The following TGFBR3 variants were observed in gnomAD, a reference collection of about 807,000 sequenced individuals.
TGFBR3 encodes the protein transforming growth factor beta receptor 3.
TGFBR3 carries 46 observed loss-of-function variants against 87.9 expected under a neutral mutation model. The observed-to-expected ratio is 0.52, with a 90% confidence interval of 0.41 to 0.67. TGFBR3 has a LOEUF of 0.67. TGFBR3 is among the 30% of genes least tolerant of loss of function. The pLI, the probability that TGFBR3 is intolerant of heterozygous loss-of-function variation, is 0.00. For missense variants in TGFBR3, 866 were observed against 1,041.9 expected (o/e 0.83, Z 2.32); for synonymous variants, 381 against 391.6 (o/e 0.97, Z 0.32).
intron 2 of TGFBR3, among the ~76,000 whole-genome samples, chr1:91,838,533 A>G (rs1490162680): frequency 6.8e-6 from 1 of 146,408 alleles, no homozygotes; most frequent in Non-Finnish European, 1.5e-5. Context: ...AACTCGGCGC[A>G]CTGCAAGCTC....
At chr1:91,763,050 T>C (rs1674030518) in intron 3 of TGFBR3, among the ~76,000 whole-genome samples, 1 of 152,224 alleles carries the variant, frequency 6.6e-6, no homozygotes, top group Non-Finnish European at 1.5e-5. Context: ...AAGGTTATCT[T>C]TGATAAGCAA....
intron 3 of TGFBR3, among the ~76,000 whole-genome samples, chr1:91,780,551 CTTTTTTT>C (rs60294904): frequency 5.2e-5 from 4 of 77,166 alleles, no homozygotes; most frequent in Non-Finnish European, 6.9e-5. Context: ...GGGTCTAAGG[CTTTTTTT>C]TTTTTTTTTT....
chr1:91,832,369 A>ATT (rs5776122), intron 2 of TGFBR3, among the ~76,000 whole-genome samples: 1 of 151,846 alleles, frequency 6.6e-6, no homozygotes, highest in Admixed American at 6.6e-5. Flanking sequence ...TTAAATTTGC[A>ATT]TTTTTTCCCC....
chr1:91,902,249 G>A (rs1344646431), intron 1 of TGFBR3, among the ~76,000 whole-genome samples: 8 of 134,912 alleles, frequency 5.9e-5, no homozygotes, highest in African/African-American at 1.3e-4. Context: ...GTTTGAAGAC[G>A]TGCAGTTTCT....
At chr1:91,822,362 T>C (rs919310750) in intron 2 of TGFBR3, among the ~76,000 whole-genome samples, 1 of 148,390 alleles carries the variant, frequency 6.7e-6, no homozygotes, top group Non-Finnish European at 1.5e-5. Context: ...ATAAACTTCA[T>C]TTTCCAGCCT....
chr1:91,713,375 C>A (rs1672052214), intron 12 of TGFBR3, among the ~76,000 whole-genome samples: 1 of 152,188 alleles, frequency 6.6e-6, no homozygotes, highest in Non-Finnish European at 1.5e-5. Flanking sequence ...CCTCAACTAT[C>A]CTGAACTTAG....
chr1:91,822,835 A>G (rs1383700458), intron 2 of TGFBR3, among the ~76,000 whole-genome samples: 1 of 152,132 alleles, frequency 6.6e-6, no homozygotes, highest in Non-Finnish European at 1.5e-5. Flanking sequence ...CTGAGGTGGG[A>G]GGACTGCTTG....
At chr1:91,689,237 GT>G (rs1335709060) in intron 16 of TGFBR3, among the ~76,000 whole-genome samples, 1 of 152,044 alleles carries the variant, frequency 6.6e-6, no homozygotes, top group Admixed American at 6.5e-5. Context: ...TCTTTCTCCA[GT>G]GAGACTTCCC....
At chr1:91,789,063 C>T (rs561911932) in intron 3 of TGFBR3, among the ~76,000 whole-genome samples, 7 of 152,202 alleles carry the variant, frequency 4.6e-5, no homozygotes, top group South Asian at 4.2e-4. Context: ...TTTGGGAAGC[C>T]GAGGCTGACG....
intron 3 of TGFBR3, among the ~76,000 whole-genome samples, chr1:91,761,930 T>A (rs767672776): frequency 3.3e-5 from 5 of 152,158 alleles, no homozygotes; most frequent in Non-Finnish European, 5.9e-5. Flanking sequence ...AGCAAATAAA[T>A]ATCCCATGAA....
At chr1:91,740,711 A>C (rs1328112972) in intron 4 of TGFBR3, among the ~76,000 whole-genome samples, 2 of 152,200 alleles carry the variant, frequency 1.3e-5, no homozygotes, top group Non-Finnish European at 2.9e-5. Context: ...CATAGACCCA[A>C]ATCATATCAT....
At chr1:91,693,651 T>C (rs969216076) in intron 16 of TGFBR3, among the ~76,000 whole-genome samples, 1 of 152,120 alleles carries the variant, frequency 6.6e-6, no homozygotes, top group African/African-American at 2.4e-5. Flanking sequence ...GGCCCAAGAT[T>C]AGCTATGAGA....
At chr1:91,883,514 C>CT (rs758750163) in intron 1 of TGFBR3, among the ~76,000 whole-genome samples, 2 of 152,108 alleles carry the variant, frequency 1.3e-5, no homozygotes, top group Non-Finnish European at 2.9e-5. Flanking sequence ...CCCTTTCAAA[C>CT]TATATGTTTA....
chr1:91,794,367 T>C (rs1173345958), intron 3 of TGFBR3, among the ~76,000 whole-genome samples: 3 of 152,120 alleles, frequency 2.0e-5, no homozygotes, highest in Non-Finnish European at 4.4e-5. Context: ...CCATGCCAGC[T>C]AATTTTTGTA....
chr1:91,705,480 C>T (rs955472639), intron 14 of TGFBR3, among the ~76,000 whole-genome samples: 32 of 152,038 alleles, frequency 2.1e-4, no homozygotes, highest in African/African-American at 7.0e-4. Context: ...CCACTCGCCT[C>T]GGCCTCCCAA....
intron 7 of TGFBR3, among the ~76,000 whole-genome samples, chr1:91,723,516 T>C (rs893728218): frequency 6.9e-6 from 1 of 144,736 alleles, no homozygotes. Context: ...AAAGACTAGC[T>C]TTCACTGGAT....
At chr1:91,882,254 A>T (rs1679115992) in intron 1 of TGFBR3, among the ~76,000 whole-genome samples, 1 of 148,648 alleles carries the variant, frequency 6.7e-6, no homozygotes, top group Admixed American at 6.8e-5. Context: ...CTCCCACCTC[A>T]GCCTCTGGAG....
intron 8 of TGFBR3, among the ~76,000 whole-genome samples, chr1:91,720,684 C>T (rs7538756): frequency 0.33 from 50,397 of 152,112 alleles, 8,665 homozygotes; most frequent in South Asian, 0.39. Context: ...ACCAATGGAA[C>T]AGACAGTTTC....
At chr1:91,902,801 G>A (rs1468603737) in intron 1 of TGFBR3, among the ~76,000 whole-genome samples, 1 of 151,964 alleles carries the variant, frequency 6.6e-6, no homozygotes, top group Non-Finnish European at 1.5e-5. Flanking sequence ...CACGGATGAT[G>A]GAGGTCAGGA....
Sources: allele counts gnomAD v4.1 joint callset (sites outside exome capture counted in the v4.1 genomes callset), GRCh38; gene constraint gnomAD v4.1.1; transcripts MANE v1.5; gene names NCBI Gene and HGNC (gene_info 2026-07-23, HGNC 2026-07-21).